SMC5: variants seen among roughly 807,000 people sequenced by gnomAD.
SMC5 encodes the protein structural maintenance of chromosomes 5, also known as structural maintenance of chromosomes protein 5.
SMC5 carries 88 observed loss-of-function variants against 148.3 expected under a neutral mutation model. The observed-to-expected ratio is 0.59, with a 90% CI of 0.50 to 0.71. SMC5 has a LOEUF of 0.71. Ranked by LOEUF, SMC5 falls within the 30% of genes least tolerant of loss-of-function variation. The pLI, the probability that SMC5 is intolerant of heterozygous loss-of-function variation, is 0.00. For missense variants in SMC5, 1,142 were observed against 1,298.9 expected (o/e 0.88, Z 1.86); for synonymous variants, 421 against 432.8 (o/e 0.97, Z 0.34).
At chr9:70,324,857 A>G (rs2036037071) in intron 17 of SMC5, among the ~76,000 whole-genome samples, 1 of 152,154 alleles carries the variant, frequency 6.6e-6, no homozygotes, top group Non-Finnish European at 1.5e-5. Context: ...GGACTAGCAA[A>G]ATTAAGAGAC....
Position 70,352,199 on chromosome 9 carries a change from A to G in SMC5, c.3174A>G (p.Gln1058=). The stretch of plus-strand genomic sequence containing the variant: ...TGTTTTAATACTTACAGCTCCTGCA[A>G]AATCTTCCTTATTCTGAAAAGATGA... ...QYFFITPKLL[Q]NLPYSEKMTV... is the part of the protein sequence containing the mutation. The change falls in exon 25 of 25, where the codon CAA becomes CAG. Residue 1058 remains glutamine, a synonymous_variant. Transcript: ENST00000361138. The G allele has an allele frequency of 1.2e-6, 2 of 1,607,910 alleles. No homozygotes were observed. Among genetic ancestry groups the G allele is most frequent in the African/African-American group, 2.7e-5 (2 of 74,588 alleles).
chr9:70,303,664 G>A (rs1416202598), intron 10 of SMC5, among the ~76,000 whole-genome samples: 1 of 152,120 alleles, frequency 6.6e-6, no homozygotes, highest in Non-Finnish European at 1.5e-5. Flanking sequence ...GTTCTATGAG[G>A]TATAAACTGT....
Position 70,318,628 on chromosome 9 carries a change from C to T in SMC5, c.1921C>T (p.Gln641Ter). 2 of 1,612,476 alleles carry T rather than the reference C, an allele frequency of 1.2e-6. No homozygotes were observed. Among genetic ancestry groups the T allele is most frequent in the Non-Finnish European group, 1.7e-6 (2 of 1,179,134 alleles). Residue 641 changes from glutamine to a stop codon, truncating the protein, a stop_gained, in exon 14 of 25, where the codon CAG (glutamine) becomes TAG (stop). Coordinates refer to ENST00000361138, the MANE Select transcript of SMC5 (RefSeq NM_015110.4). LOFTEE classifies it high-confidence loss of function. ...ISSNTSLKVA[Q>*]FLTVTVDLEQ... The stretch of plus-strand genomic sequence containing the variant: ...TAGTAACACATCTCTAAAAGTAGCG[C>T]AGTTTCTCACTGTCACTGTGGACCT...
chr9:70,323,898 T>C (rs2036011143), intron 16 of SMC5, 123 bp from the exon 17 acceptor site: 1 of 943,842 alleles, frequency 1.1e-6, no homozygotes, highest in Non-Finnish European at 1.5e-6. Flanking sequence ...TTGAGAGAGA[T>C]GTCAGGCACA....
chr9:70,259,724 G>C (rs2034038635), intron 1 of SMC5, among the ~76,000 whole-genome samples: 3 of 152,082 alleles, frequency 2.0e-5, no homozygotes, highest in Non-Finnish European at 2.9e-5. Flanking sequence ...GGTTGTTCGG[G>C]AATGGAGGTT....
intron 11 of SMC5, among the ~76,000 whole-genome samples, chr9:70,307,009 T>C (rs183730692): frequency 1.6e-4 from 25 of 152,212 alleles, no homozygotes; most frequent in African/African-American, 5.3e-4. Context: ...GTACTACCTA[T>C]AGTATTATTT....
At chr9:70,325,421 G>A (rs770555862) in intron 17 of SMC5, among the ~76,000 whole-genome samples, 5 of 152,184 alleles carry the variant, frequency 3.3e-5, no homozygotes, top group Non-Finnish European at 7.3e-5. Context: ...CCAGATATCA[G>A]ACTGCCAGCA....
At chr9:70,349,314 C>G (rs994305642) in intron 22 of SMC5, among the ~76,000 whole-genome samples, 6 of 152,136 alleles carry the variant, frequency 3.9e-5, no homozygotes, top group Admixed American at 1.3e-4. Context: ...TGATCCACCC[C>G]CCTCGGCCTC....
chr9:70,319,207 AC>A (rs1401743438), intron 15 of SMC5, among the ~76,000 whole-genome samples: 1 of 152,142 alleles, frequency 6.6e-6, no homozygotes, highest in Non-Finnish European at 1.5e-5. Context: ...ATTAATGAGG[AC>A]CTTGAAGAGG....
At chr9:70,294,484 G>A (rs1361077687) in intron 8 of SMC5, among the ~76,000 whole-genome samples, 3 of 152,302 alleles carry the variant, frequency 2.0e-5, no homozygotes, top group South Asian at 4.1e-4. Context: ...CTTTCCAAGG[G>A]AGTGGTTATA....
At chr9:70,303,557 A>G (rs1289427735) in intron 10 of SMC5, among the ~76,000 whole-genome samples, 3 of 152,166 alleles carry the variant, frequency 2.0e-5, no homozygotes, top group Admixed American at 6.5e-5. Context: ...TCTATACTGA[A>G]TGGTATTCTA....
chr9:70,283,394 G>A (rs950367339), intron 7 of SMC5, among the ~76,000 whole-genome samples: 9 of 152,174 alleles, frequency 5.9e-5, no homozygotes, highest in African/African-American at 1.9e-4. Context: ...TTGCGCCTAC[G>A]AGGCAGAGGT....
At chr9:70,312,880 G>T (rs1377641844) in intron 11 of SMC5, among the ~76,000 whole-genome samples, 1 of 152,142 alleles carries the variant, frequency 6.6e-6, no homozygotes. Context: ...TTGGTTTATA[G>T]ACTTCTTTGT....
chr9:70,292,389 C>CTTT (rs1361492872), intron 8 of SMC5, among the ~76,000 whole-genome samples: 1 of 151,966 alleles, frequency 6.6e-6, no homozygotes. Flanking sequence ...GACTTAATTT[C>CTTT]TTTTTTTTCT....
At chr9:70,264,199 G>T in intron 1 of SMC5, 105 bp from the exon 2 acceptor site, 1 of 957,750 alleles carries the variant, frequency 1.0e-6, no homozygotes, top group South Asian at 2.5e-5. Flanking sequence ...AAATTTGTAA[G>T]GTTAGCTAGT....
At chr9:70,326,191 A>G (rs2036070736) in intron 17 of SMC5, among the ~76,000 whole-genome samples, 1 of 152,146 alleles carries the variant, frequency 6.6e-6, no homozygotes, top group South Asian at 2.1e-4. Flanking sequence ...CATCTAAAAG[A>G]AAGAGATTGA....
At chr9:70,263,206 G>C (rs74333313) in intron 1 of SMC5, among the ~76,000 whole-genome samples, 2,457 of 152,194 alleles carry the variant, frequency 0.016, 40 homozygotes, top group South Asian at 0.07. Context: ...TCCCAAACTA[G>C]TTTTATTGTA....
At chr9:70,342,066 A>G (rs527944665) in intron 17 of SMC5, among the ~76,000 whole-genome samples, 160 of 151,568 alleles carry the variant, frequency 1.1e-3, no homozygotes, top group Non-Finnish European at 1.2e-3. Flanking sequence ...GCCATAAAAA[A>G]TGATGAGTTC....
intron 17 of SMC5, among the ~76,000 whole-genome samples, chr9:70,329,022 A>G (rs1376664090): frequency 6.6e-6 from 1 of 152,178 alleles, no homozygotes; most frequent in Non-Finnish European, 1.5e-5. Flanking sequence ...CGGAGTGGCT[A>G]GGATGTAGGG....
Sources: gnomAD v4.1 joint callset for allele counts (sites outside exome capture counted in the v4.1 genomes callset) on GRCh38, gnomAD v4.1.1 for gene constraint, MANE v1.5 for transcripts, NCBI Gene and HGNC (gene_info 2026-07-23, HGNC 2026-07-21) for gene names.